The following FRRS1L variants were observed in gnomAD, a reference collection of about 807,000 sequenced individuals.
FRRS1L encodes the protein ferric chelate reductase 1 like.
FRRS1L carries 22 observed loss-of-function variants against 28.6 expected under a neutral mutation model. That is an observed-to-expected ratio of 0.77 (90% CI 0.55 to 1.10). The LOEUF (loss-of-function observed/expected upper bound fraction) is 1.10. Ranked by LOEUF, FRRS1L falls within the 50% of genes least tolerant of loss-of-function variation. FRRS1L has a pLI of 0.00. For synonymous variants in FRRS1L, 158 were observed against 151.4 expected, an observed-to-expected ratio of 1.04 and a Z score of -0.32; for missense variants, 380 against 386.9, an observed-to-expected ratio of 0.98 and a Z score of 0.15.
At chr9:109,137,787 A>C (rs1831134104) in intron 4 of FRRS1L, 160 bp from the exon 5 acceptor site, 1 of 399,832 alleles carries the variant, frequency 2.5e-6, no homozygotes, top group East Asian at 3.6e-5. Context: ...AGAATTCTCT[A>C]TCATTGTACA....
intron 3 of FRRS1L, among the ~76,000 whole-genome samples, chr9:109,144,778 G>A (rs1375801363): frequency 6.6e-6 from 1 of 151,580 alleles, no homozygotes; most frequent in Non-Finnish European, 1.5e-5. Flanking sequence ...CCGCCTCCTG[G>A]GTTCAAGCGA....
Position 109,158,465 on chromosome 9 carries a change from C to CCCCTGTA in FRRS1L, c.238+8429_238+8435dup, listed in dbSNP as rs369572084. On this transcript the variant is annotated intron_variant, in intron 1 of 4. Transcript: ENST00000561981. ...AACACTTCCATGATTCCAAGAAGAACCCCTGTACCTGTTAGCAGTCACTCC... is the reference window on the plus strand; with the variant it reads ...AACACTTCCATGATTCCAAGAAGAACCCCTGTACCCTGTACCTGTTAGCAGTCACTCC... 8.1e-3 allele frequency among the ~76,000 whole-genome samples: 1,229 copies of CCCCTGTA among 151,976 alleles called. 14 individuals carry two copies. The highest frequency in any genetic ancestry group is 0.028 in the African/African-American group (1,169 of 41,428).
Position 109,167,227 on chromosome 9 carries a change from C to T in FRRS1L, c.-89G>A. On this transcript the variant is annotated 5_prime_UTR_variant, in exon 1 of 5. The change creates a new upstream start codon in the 5' untranslated region. Coordinates refer to ENST00000561981, the MANE Select transcript of FRRS1L (RefSeq NM_014334.4). Reference sequence around the variant, plus strand: ...CGGGACTGAGCCTCCGCCGAGGCCACCAGCACGCGCCCGCGCAGCCGCGGA... The same window carrying T: ...CGGGACTGAGCCTCCGCCGAGGCCATCAGCACGCGCCCGCGCAGCCGCGGA... The T allele has an allele frequency of 7.3e-7, 1 of 1,365,052 alleles. No homozygotes were observed. The allele number at this position is 1,365,052 out of a possible 1,614,324, so 84.6% of individuals were successfully genotyped here.
chr9:109,155,291 G>C (rs891702751), intron 1 of FRRS1L, among the ~76,000 whole-genome samples: 2 of 152,120 alleles, frequency 1.3e-5, no homozygotes, highest in Non-Finnish European at 2.9e-5. Flanking sequence ...ATCTCATTCT[G>C]TTTATTATTT....
chr9:109,164,384 G>C (rs1363547112), intron 1 of FRRS1L, among the ~76,000 whole-genome samples: 2 of 149,562 alleles, frequency 1.3e-5, no homozygotes, highest in African/African-American at 4.9e-5. Context: ...TATTCATTCA[G>C]GGAGCAGGTT....
chr9:109,147,259 T>C (rs1246715593), intron 2 of FRRS1L, 70 bp from the exon 3 acceptor site: 1 of 1,271,722 alleles, frequency 7.9e-7, no homozygotes, highest in East Asian at 2.3e-5. Context: ...GCATCTACCA[T>C]GTATCATGTG....
intron 1 of FRRS1L, among the ~76,000 whole-genome samples, chr9:109,165,922 G>A (rs1340393937): frequency 1.3e-5 from 2 of 152,202 alleles, no homozygotes; most frequent in Non-Finnish European, 2.9e-5. Context: ...AGAGACACTG[G>A]TGACCAAGGA....
intron 2 of FRRS1L, 121 bp from the exon 3 acceptor site, chr9:109,147,310 A>G: frequency 1.2e-6 from 1 of 823,400 alleles, no homozygotes; most frequent in Non-Finnish European, 2.0e-6. Context: ...GATTTTTGCT[A>G]CCTGGAATCT....
intron 1 of FRRS1L, among the ~76,000 whole-genome samples, chr9:109,160,240 A>T (rs1831463511): frequency 6.6e-6 from 1 of 152,102 alleles, no homozygotes; most frequent in South Asian, 2.1e-4. Context: ...TCCACAAGCA[A>T]ATCAATTCCA....
At chr9:109,152,748 G>A (rs187337042) in intron 1 of FRRS1L, among the ~76,000 whole-genome samples, 15 of 135,076 alleles carry the variant, frequency 1.1e-4, no homozygotes, top group Admixed American at 5.7e-4. Flanking sequence ...AGCGTGCAGT[G>A]AGCCAAGATC....
At chr9:109,161,849 CT>C (rs1352555774) in intron 1 of FRRS1L, among the ~76,000 whole-genome samples, 2 of 152,198 alleles carry the variant, frequency 1.3e-5, no homozygotes, top group Non-Finnish European at 2.9e-5. Flanking sequence ...TGTTCCTTCT[CT>C]TTTCAGGGTC....
At chr9:109,154,178 G>A (rs1280788444) in intron 1 of FRRS1L, among the ~76,000 whole-genome samples, 3 of 152,164 alleles carry the variant, frequency 2.0e-5, no homozygotes, top group African/African-American at 7.2e-5. Flanking sequence ...TCAAAGGATG[G>A]GTCACAGCTC....
chr9:109,137,583 G>A lies in FRRS1L; in HGVS notation c.754C>T (p.Arg252Cys), dbSNP rs779958643. 1.1e-5 allele frequency: 18 copies of A among 1,611,346 alleles called. No homozygotes were observed. Among genetic ancestry groups the A allele is most frequent in the Middle Eastern group, 1.6e-4 (1 of 6,072 alleles). Residue 252 changes from arginine to cysteine, a missense_variant, in exon 5 of 5, where the codon CGT (arginine) becomes TGT (cysteine). Coordinates refer to ENST00000561981, the MANE Select transcript of FRRS1L (RefSeq NM_014334.4). ...TCATACTTGTAAATACTGACAACAC[G>A]CTCTGAAGCCGGCGGTGAGTCTATA... ...HDIDSPPASE[R>C]VVSIYKYEDI... is the part of the protein sequence containing the mutation.
intron 4 of FRRS1L, chr9:109,138,504 C>G (rs1274147716): frequency 3.3e-5 from 5 of 152,296 alleles, no homozygotes; most frequent in African/African-American, 9.6e-5. Context: ...TAGGGAAGCC[C>G]TGCCAAACTT....
chr9:109,147,705 T>C (rs12344252), intron 2 of FRRS1L: 8,494 of 152,948 alleles, frequency 0.056, 374 homozygotes, highest in East Asian at 0.13. Flanking sequence ...ACCAGGAACA[T>C]TGAAATTCAC....
intron 1 of FRRS1L, among the ~76,000 whole-genome samples, chr9:109,162,558 G>A (rs1418318470): frequency 6.6e-6 from 1 of 152,204 alleles, no homozygotes; most frequent in African/African-American, 2.4e-5. Flanking sequence ...AACTCACAGT[G>A]TTGCTATAAG....
At chr9:109,142,287 C>CAGTAGT (rs1475426232) in intron 3 of FRRS1L, among the ~76,000 whole-genome samples, 1 of 148,088 alleles carries the variant, frequency 6.8e-6, no homozygotes, top group Non-Finnish European at 1.5e-5. Flanking sequence ...AAATAATAAT[C>CAGTAGT]AGTAGTAGTA....
At chr9:109,163,939 G>A (rs1041097224) in intron 1 of FRRS1L, among the ~76,000 whole-genome samples, 6 of 152,092 alleles carry the variant, frequency 3.9e-5, no homozygotes, top group African/African-American at 9.7e-5. Flanking sequence ...TGAAACCATC[G>A]ATAATTTTGA....
intron 1 of FRRS1L, among the ~76,000 whole-genome samples, chr9:109,160,580 GT>G (rs1386553133): frequency 6.6e-6 from 1 of 151,712 alleles, no homozygotes; most frequent in Non-Finnish European, 1.5e-5. Flanking sequence ...TAGAGATGGG[GT>G]ATCACTTTCT....
Sources: allele counts gnomAD v4.1 joint callset (sites outside exome capture counted in the v4.1 genomes callset), GRCh38; gene constraint gnomAD v4.1.1; transcripts MANE v1.5; gene names NCBI Gene and HGNC (gene_info 2026-07-23, HGNC 2026-07-21).